Variants in TEK observed in about 807,000 individuals in gnomAD.
The protein encoded by TEK is TEK receptor tyrosine kinase, also known as angiopoietin-1 receptor.
In TEK, 43 loss-of-function variants were observed where a neutral mutation model predicts 131.8. The ratio of observed to expected loss-of-function variants is 0.33; its 90% CI spans 0.26 to 0.42. The LOEUF is 0.42. TEK is among the 10% of genes least tolerant of loss of function. TEK has a pLI of 1.00. For synonymous variants in TEK, 580 were observed against 491.6 expected (o/e 1.18, Z -2.38); for missense variants, 1,162 against 1,384.4 (o/e 0.84, Z 2.55).
At chr9:27,176,704 C>T (rs1824184800) in intron 6 of TEK, among the ~76,000 whole-genome samples, 1 of 152,182 alleles carries the variant, frequency 6.6e-6, no homozygotes, top group African/African-American at 2.4e-5. Context: ...GTGGTGAGAG[C>T]ATTTAAAATT....
chr9:27,198,217 AT>A (rs1825097272), intron 12 of TEK: 1 of 162,126 alleles, frequency 6.2e-6, no homozygotes, highest in African/African-American at 2.4e-5. Context: ...AACTGTGTGC[AT>A]TTGGAACCCT....
intron 12 of TEK, 43 bp downstream of exon 12, chr9:27,197,642 G>A: frequency 6.2e-7 from 1 of 1,610,824 alleles, no homozygotes. Flanking sequence ...AGCAATAAGG[G>A]GCTACCGCCA....
rs141105290 is a variant in TEK at position 27,160,750 on chromosome 9, A to G, written c.364+2608A>G. 1.3e-3 allele frequency among the ~76,000 whole-genome samples: 191 copies of G among 152,362 alleles called. 1 individual carries two copies. The East Asian group carries it at 0.015, about 12-fold the overall frequency. ...AGGAAAGGGTTTTCTTAGCAAAACT[A>G]GAATGTTCACCTTTAAATGACAGCA... On this transcript the variant is annotated intron_variant, in intron 2 of 22. Coordinates refer to ENST00000380036, the MANE Select transcript of TEK (RefSeq NM_000459.5).
In TEK at chr9:27,229,323, T is replaced by A; in HGVS notation, c.*91T>A. The A allele has an allele frequency of 7.9e-7, 1 of 1,260,484 alleles. No individual in the cohort carries two copies. Among genetic ancestry groups the A allele is most frequent in the South Asian group, 1.2e-5 (1 of 83,962 alleles). 78.1% of individuals were successfully genotyped at this position (1,260,484 alleles called of 1,614,324 possible). A position where few individuals can be genotyped will look rare whatever the true frequency, so the allele number is the denominator to read the frequency against. On this transcript the variant is annotated 3_prime_UTR_variant, in exon 23 of 23. Coordinates refer to ENST00000380036, the MANE Select transcript of TEK (RefSeq NM_000459.5). ...GAAAACATGCCTCTGCCAAAGGATG[T>A]GATATATAAGTGTACATATGTGCTG...
chr9:27,161,735 G>A (rs1009400641), intron 2 of TEK, among the ~76,000 whole-genome samples: 8 of 152,176 alleles, frequency 5.3e-5, no homozygotes, highest in African/African-American at 9.6e-5. Flanking sequence ...ATATGGGTTC[G>A]AGTCTACCTC....
chr9:27,180,670 CT>C (rs1278073401), intron 7 of TEK, among the ~76,000 whole-genome samples: 1 of 152,184 alleles, frequency 6.6e-6, no homozygotes, highest in East Asian at 1.9e-4. Flanking sequence ...TAGGACCAAC[CT>C]TTTCCCTGGA....
At chr9:27,168,839 C>T (rs1166009429) in intron 3 of TEK, among the ~76,000 whole-genome samples, 1 of 152,120 alleles carries the variant, frequency 6.6e-6, no homozygotes, top group Non-Finnish European at 1.5e-5. Flanking sequence ...TATGTACATA[C>T]AATAAAACCC....
At chr9:27,130,525 G>T (rs1822167651) in intron 1 of TEK, among the ~76,000 whole-genome samples, 1 of 151,768 alleles carries the variant, frequency 6.6e-6, no homozygotes, top group Non-Finnish European at 1.5e-5. Context: ...AGCACACTTG[G>T]CTATGTAAAT....
At chr9:27,214,515 C>G (rs1297893485) in intron 18 of TEK, among the ~76,000 whole-genome samples, 1 of 152,150 alleles carries the variant, frequency 6.6e-6, no homozygotes, top group Non-Finnish European at 1.5e-5. Context: ...GGCTCAGGTT[C>G]CGGCATTTAT....
intron 1 of TEK, among the ~76,000 whole-genome samples, chr9:27,132,089 T>A (rs1822249263): frequency 6.6e-6 from 1 of 150,406 alleles, no homozygotes; most frequent in African/African-American, 2.4e-5. Context: ...TTTATTCTTT[T>A]TTTTTTTTTT....
In TEK at chr9:27,109,596, C is replaced by T. The variant is rs977092623; in HGVS notation, c.6C>T (p.Asp2=). The T allele has an allele frequency of 1.2e-6, 2 of 1,614,110 alleles. No homozygotes were observed. The highest frequency in any genetic ancestry group is 2.2e-5 in the South Asian group (2 of 91,070). Reference sequence around the variant, plus strand: ...ATGGAGAGATTTGGGGAAGCATGGACTCTTTAGCCAGCTTAGTTCTCTGTG... The same window carrying T: ...ATGGAGAGATTTGGGGAAGCATGGATTCTTTAGCCAGCTTAGTTCTCTGTG... The part of the protein sequence containing the change: M[D]SLASLVLCGV... The change falls in exon 1 of 23, where the codon GAC becomes GAT. Residue 2 remains aspartate (D), a synonymous_variant. Transcript: ENST00000380036.
At chr9:27,217,860 G>A in intron 19 of TEK, 102 bp downstream of exon 19, 1 of 998,792 alleles carries the variant, frequency 1.0e-6, no homozygotes, top group Non-Finnish European at 1.6e-6. Context: ...GTAGCTCTCG[G>A]GAACAAAGGT....
intron 15 of TEK, among the ~76,000 whole-genome samples, chr9:27,208,571 C>G (rs1587016903): frequency 6.6e-6 from 1 of 152,318 alleles, no homozygotes; most frequent in Non-Finnish European, 1.5e-5. Context: ...TTGTTTAGCT[C>G]AATCAACCAG....
In TEK at chr9:27,165,534, A is replaced by G. The variant is rs142942626; in HGVS notation, c.365-2961A>G. On this transcript the variant is annotated intron_variant, in intron 2 of 22. Transcript: ENST00000380036. ...AAGTGTCCCTCATGCTCATATCACA[A>G]ATGTCAGCACAGCAGTGTTGCTGTT... 2.4e-3 allele frequency among the ~76,000 whole-genome samples: 358 copies of G among 152,178 alleles called. 1 individual carries two copies. Among genetic ancestry groups the G allele is most frequent in the African/African-American group, 8.3e-3 (343 of 41,522 alleles).
At chr9:27,218,128 A>AGTT (rs1267459178) in intron 19 of TEK, among the ~76,000 whole-genome samples, 6 of 30,816 alleles carry the variant, frequency 1.9e-4, no homozygotes, top group South Asian at 1.5e-3. Flanking sequence ...AAGGCCAGAC[A>AGTT]GTGGCGGGGG....
At chr9:27,185,336 A>T (rs1824555658) in intron 8 of TEK, 149 bp from the exon 9 acceptor site, 1 of 995,394 alleles carries the variant, frequency 1.0e-6, no homozygotes, top group Admixed American at 2.1e-5. Flanking sequence ...AGCTTTGGAA[A>T]TAAGCCAATA....
chr9:27,215,160 G>T (rs1825771690), intron 18 of TEK, among the ~76,000 whole-genome samples: 2 of 152,142 alleles, frequency 1.3e-5, no homozygotes, highest in African/African-American at 4.8e-5. Flanking sequence ...GACTAGCACT[G>T]GTTTGCTTGG....
At chr9:27,216,357 G>A (rs914870501) in intron 18 of TEK, among the ~76,000 whole-genome samples, 2 of 152,162 alleles carry the variant, frequency 1.3e-5, no homozygotes, top group Non-Finnish European at 2.9e-5. Context: ...CAGAAGTGAC[G>A]AGATCCAAAA....
At chr9:27,152,413 A>G (rs1403073896) in intron 1 of TEK, among the ~76,000 whole-genome samples, 3 of 58,106 alleles carry the variant, frequency 5.2e-5, no homozygotes, top group Non-Finnish European at 9.0e-5. Flanking sequence ...TGGAATGTGG[A>G]AAAAAAAAAA....
Sources: gnomAD v4.1 joint callset for allele counts (sites outside exome capture counted in the v4.1 genomes callset) on GRCh38, gnomAD v4.1.1 for gene constraint, MANE v1.5 for transcripts, NCBI Gene and HGNC (gene_info 2026-07-23, HGNC 2026-07-21) for gene names.